The following ST6GALNAC5 variants were observed in gnomAD, a reference collection of about 807,000 sequenced individuals.
The protein encoded by ST6GALNAC5 is alpha-N-acetylgalactosaminide alpha-2,6-sialyltransferase 5.
In ST6GALNAC5, 27 loss-of-function variants were observed where a neutral mutation model predicts 33.6. The observed-to-expected ratio is 0.80, with a 90% CI of 0.59 to 1.11. The LOEUF is 1.11. Among genes scored for constraint, ST6GALNAC5 ranks in the 50% least tolerant of loss-of-function variants. The pLI is 0.00. For missense variants in ST6GALNAC5, 428 were observed against 454.0 expected, an observed-to-expected ratio of 0.94 and a Z score of 0.52; for synonymous variants, 194 against 171.2, an observed-to-expected ratio of 1.13 and a Z score of -1.04.
chr1:77,016,378 T>A (rs1650854531), intron 2 of ST6GALNAC5, among the ~76,000 whole-genome samples: 3 of 151,366 alleles, frequency 2.0e-5, no homozygotes, highest in Admixed American at 2.0e-4. Context: ...TAGTTATTTA[T>A]TTTTTATTGA....
chr1:77,014,473 G>T (rs952972538), intron 2 of ST6GALNAC5, among the ~76,000 whole-genome samples: 1 of 152,184 alleles, frequency 6.6e-6, no homozygotes, highest in Non-Finnish European at 1.5e-5. Context: ...CCCCCACCCA[G>T]GCCCTGCCCA....
intron 2 of ST6GALNAC5, among the ~76,000 whole-genome samples, chr1:76,904,992 T>A (rs1017037280): frequency 1.7e-4 from 26 of 152,176 alleles, no homozygotes; most frequent in African/African-American, 6.0e-4. Context: ...TTTGGGGTGT[T>A]GACAGTGTTC....
chr1:76,913,113 G>T (rs368577356), intron 2 of ST6GALNAC5, among the ~76,000 whole-genome samples: 2 of 152,026 alleles, frequency 1.3e-5, no homozygotes, highest in South Asian at 4.2e-4. Flanking sequence ...GGGCAGGCCT[G>T]GTGGTGACAA....
At chr1:76,999,995 G>C (rs772033312) in intron 2 of ST6GALNAC5, among the ~76,000 whole-genome samples, 1 of 97,974 alleles carries the variant, frequency 1.0e-5, no homozygotes, top group Non-Finnish European at 2.4e-5. Flanking sequence ...TAGTCCTTTG[G>C]GTATATACCC....
At chr1:77,028,793 A>G (rs182066507) in intron 2 of ST6GALNAC5, among the ~76,000 whole-genome samples, 33 of 152,326 alleles carry the variant, frequency 2.2e-4, no homozygotes, top group Admixed American at 2.0e-3. Flanking sequence ...AGACACAGGG[A>G]AGTTGAGAAA....
intron 2 of ST6GALNAC5, among the ~76,000 whole-genome samples, chr1:76,929,628 C>T (rs549727392): frequency 2.0e-4 from 30 of 152,196 alleles, no homozygotes; most frequent in Non-Finnish European, 3.4e-4. Context: ...CTGTGCATTA[C>T]GATAGCTGCT....
rs548544044 is a variant in ST6GALNAC5, at chr1:77,033,555, G to A, written c.262-10649G>A. 7.9e-5 allele frequency among the ~76,000 whole-genome samples: 12 copies of A among 152,212 alleles called. No homozygotes were observed. The South Asian group carries it at 1.7e-3, about 21-fold the overall frequency. ...GTTAGATAACGTATGTATTGGGCTCGGAAGAGGTCCTGGCACATTAGTTGA... is the reference window on the plus strand; with the variant it reads ...GTTAGATAACGTATGTATTGGGCTCAGAAGAGGTCCTGGCACATTAGTTGA... On this transcript the variant is annotated intron_variant, in intron 2 of 4. Coordinates refer to ENST00000477717, the MANE Select transcript of ST6GALNAC5 (RefSeq NM_030965.3).
intron 2 of ST6GALNAC5, among the ~76,000 whole-genome samples, chr1:76,899,777 C>T (rs576446047): frequency 7.9e-5 from 12 of 151,998 alleles, no homozygotes; most frequent in Non-Finnish European, 1.5e-4. Context: ...AGAAGAAAGA[C>T]GTTGAGGGAT....
At position 76,918,826 on chromosome 1, in the gene ST6GALNAC5, G is replaced by A. The variant is rs954817787; in HGVS notation, c.261+50084G>A. 7.9e-5 allele frequency among the ~76,000 whole-genome samples: 12 copies of A among 151,858 alleles called. 1 individual carries two copies. Among genetic ancestry groups the A allele is most frequent in the African/African-American group, 2.4e-5 (1 of 41,376 alleles). The stretch of plus-strand genomic sequence containing the variant: ...ACAGGCACGCATAGAGTTTCAATGG[G>A]GTTTATTGAAATAAAGTGGCCTCTA... On this transcript the variant is annotated intron_variant, in intron 2 of 4. Transcript: ENST00000477717.
intron 3 of ST6GALNAC5, among the ~76,000 whole-genome samples, chr1:77,045,638 C>CTTG (rs1277104311): frequency 1.3e-5 from 2 of 152,064 alleles, no homozygotes; most frequent in African/African-American, 4.8e-5. Context: ...AGACCCAGGG[C>CTTG]AATAAGTCTT....
rs955215701 is a variant in ST6GALNAC5 at position 76,876,390 on chromosome 1, A to G, written c.261+7648A>G. 5.9e-5 allele frequency among the ~76,000 whole-genome samples: 9 copies of G among 152,210 alleles called. No homozygotes were observed. In the East Asian group the frequency reaches 1.5e-3, roughly 26 times the overall value. ...GTTCATGGGCCCATTGAGCAATGACAGGGGTGGCTGGGGAAAGAGGCTGAG... is the reference window on the plus strand; with the variant it reads ...GTTCATGGGCCCATTGAGCAATGACGGGGGTGGCTGGGGAAAGAGGCTGAG... On this transcript the variant is annotated intron_variant, in intron 2 of 4. Coordinates refer to ENST00000477717, the MANE Select transcript of ST6GALNAC5 (RefSeq NM_030965.3).
rs187112673 is a variant in ST6GALNAC5 at position 76,869,755 on chromosome 1, T to A, written c.261+1013T>A. On this transcript the variant is annotated intron_variant, in intron 2 of 4. Coordinates refer to ENST00000477717, the MANE Select transcript of ST6GALNAC5 (RefSeq NM_030965.3). ...CATTCAAAATATTGCCACACACCTG[T>A]TTAATGCATAATGCTAAGGATTTGA... Among the ~76,000 whole-genome samples, 337 of 152,310 alleles carry A rather than the reference T, an allele frequency of 2.2e-3. 7 individuals are homozygous for A. The highest frequency in any genetic ancestry group is 1.2e-3 in the South Asian group (6 of 4,828).
chr1:77,052,180 A>G lies in ST6GALNAC5; in HGVS notation c.779+1815A>G, dbSNP rs74090593. Among the ~76,000 whole-genome samples, 1,057 of 152,348 alleles carry G rather than the reference A, an allele frequency of 6.9e-3. 10 individuals are homozygous for G. Among genetic ancestry groups the G allele is most frequent in the African/African-American group, 0.024 (1,007 of 41,572 alleles). ...AGACAGTTTCAGCAAGAACTCTTCAAAAGGACCCCTACGCCCAAGTTCTGT... is the reference window on the plus strand; with the variant it reads ...AGACAGTTTCAGCAAGAACTCTTCAGAAGGACCCCTACGCCCAAGTTCTGT... On this transcript the variant is annotated intron_variant, in intron 4 of 4. Coordinates refer to ENST00000477717, the MANE Select transcript of ST6GALNAC5 (RefSeq NM_030965.3).
chr1:77,020,697 G>A (rs549343556), intron 2 of ST6GALNAC5, among the ~76,000 whole-genome samples: 3 of 152,222 alleles, frequency 2.0e-5, no homozygotes, highest in African/African-American at 7.2e-5. Flanking sequence ...CACTGTGCCC[G>A]GCCTTATGCC....
intron 2 of ST6GALNAC5, among the ~76,000 whole-genome samples, chr1:76,931,820 G>A (rs181577470): frequency 6.6e-5 from 10 of 152,168 alleles, no homozygotes; most frequent in Admixed American, 4.6e-4. Context: ...ATCATCTGTA[G>A]ACATTAAAGA....
chr1:76,875,081 G>A (rs7419029), intron 2 of ST6GALNAC5, among the ~76,000 whole-genome samples: 60,492 of 152,052 alleles, frequency 0.4, 12,444 homozygotes, highest in Non-Finnish European at 0.45. Context: ...CTTAGTACAA[G>A]TGTATACATG....
In ST6GALNAC5 at chr1:77,044,406, A is replaced by G. The variant is rs1651937495; in HGVS notation, c.464A>G (p.Asn155Ser). ...AHSSIQRILR[N>S]RHDLLNVSQG... ...TCCAGCATCCAGAGGATCCTCCGCA[A>G]CCGCCATGACCTGCTCAACGTGAGC... Residue 155 changes from asparagine to serine, a missense_variant, in exon 3 of 5, where the codon AAC (asparagine) becomes AGC (serine). Coordinates refer to ENST00000477717, the MANE Select transcript of ST6GALNAC5 (RefSeq NM_030965.3). 1.9e-6 allele frequency: 3 copies of G among 1,612,714 alleles called. No homozygotes were observed. Among genetic ancestry groups the G allele is most frequent in the Non-Finnish European group, 1.7e-6 (2 of 1,179,258 alleles).
chr1:77,049,584 ATTTTGTCAAT>A (rs1051745518), intron 3 of ST6GALNAC5, among the ~76,000 whole-genome samples: 5 of 151,980 alleles, frequency 3.3e-5, no homozygotes, highest in African/African-American at 1.2e-4. Flanking sequence ...CATTCCTTAA[ATTTTGTCAAT>A]TTTTGGTCTC....
intron 2 of ST6GALNAC5, among the ~76,000 whole-genome samples, chr1:76,895,035 T>C (rs1449681858): frequency 1.3e-5 from 2 of 151,966 alleles, no homozygotes; most frequent in East Asian, 3.9e-4. Flanking sequence ...GTAGGGGAGC[T>C]TTTGAGCCAG....
Sources: allele counts gnomAD v4.1 joint callset (sites outside exome capture counted in the v4.1 genomes callset), GRCh38; gene constraint gnomAD v4.1.1; transcripts MANE v1.5; gene names NCBI Gene and HGNC (gene_info 2026-07-23, HGNC 2026-07-21).